AKR1C3: variants seen among roughly 807,000 people sequenced by gnomAD.
AKR1C3 encodes the protein aldo-keto reductase family 1 member C3.
AKR1C3 carries 48 observed loss-of-function variants against 43.6 expected under a neutral mutation model. The ratio of observed to expected loss-of-function variants is 1.10; its 90% CI spans 0.87 to 1.40. The LOEUF is 1.40. AKR1C3 is among the 40% of genes most tolerant of loss of function. The pLI, the probability that AKR1C3 is intolerant of heterozygous loss-of-function variation, is 0.00. For missense variants in AKR1C3, 482 were observed against 391.2 expected (o/e 1.23, Z -1.96); for synonymous variants, 162 against 139.6 (o/e 1.16, Z -1.13).
chr10:5,094,601 G>T (rs1287589336), intron 1 of AKR1C3, 73 bp downstream of exon 1: 11 of 1,527,650 alleles, frequency 7.2e-6, no homozygotes, highest in South Asian at 1.1e-5. Context: ...GTATTGGGTT[G>T]TAAGGTTCGT....
chr10:5,063,139 CTA>C (rs1382763507), intron 1 of AKR1C3, among the ~76,000 whole-genome samples: 5 of 152,030 alleles, frequency 3.3e-5, no homozygotes, highest in Admixed American at 2.0e-4. Flanking sequence ...GAATTGTACT[CTA>C]TTTTTCTTGA....
intron 1 of AKR1C3, among the ~76,000 whole-genome samples, chr10:5,057,747 C>T (rs868977583): frequency 1.3e-5 from 2 of 152,134 alleles, no homozygotes; most frequent in African/African-American, 4.8e-5. Context: ...GGCTTGCTGA[C>T]TGGTAGGGAA....
chr10:5,099,153 C>CT (rs1839287009), intron 4 of AKR1C3, among the ~76,000 whole-genome samples, 174 bp from the exon 5 acceptor site: 1 of 152,132 alleles, frequency 6.6e-6, no homozygotes, highest in African/African-American at 2.4e-5. Flanking sequence ...CTTACTCTTG[C>CT]TGCCTCTATC....
Position 5,102,574 on chromosome 10 carries a change from T to G in AKR1C3, c.770T>G (p.Leu257Arg). 6.4e-7 allele frequency: 1 copy of G among 1,560,170 alleles called. No individual in the cohort carries two copies. Among genetic ancestry groups the G allele is most frequent in the Non-Finnish European group, 8.7e-7 (1 of 1,150,036 alleles). ...KHKRTPALIA[L>R]RYQLQRGVVV... ...AAGCGAACCCCAGCCCTGATTGCCC[T>G]GCGCTACCAGCTGCAGCGTGGGGTT... Residue 257 changes from leucine (L) to arginine (R), a missense_variant, in exon 7 of 9, where the codon CTG (leucine) becomes CGG (arginine). Coordinates refer to ENST00000380554, the MANE Select transcript of AKR1C3 (RefSeq NM_003739.6).
intron 1 of AKR1C3, among the ~76,000 whole-genome samples, chr10:5,062,039 A>C (rs182730800): frequency 6.6e-6 from 1 of 152,350 alleles, no homozygotes; most frequent in Non-Finnish European, 1.5e-5. Context: ...TTACAAAGAC[A>C]TGTAATTCTT....
At chr10:5,084,793 A>G (rs12768144) in intron 1 of AKR1C3, among the ~76,000 whole-genome samples, 123,144 of 149,276 alleles carry the variant, frequency 0.82, 50,573 homozygotes, top group Middle Eastern at 0.9. Context: ...GGTCCTTCAC[A>G]TCCCTTGTAA....
chr10:5,063,961 C>T (rs181880198), intron 1 of AKR1C3, among the ~76,000 whole-genome samples: 7 of 152,056 alleles, frequency 4.6e-5, no homozygotes, highest in African/African-American at 1.7e-4. Flanking sequence ...ACGTTTATGT[C>T]ATATTCTAAA....
At chr10:5,050,301 T>G (rs1392254513) in intron 1 of AKR1C3, among the ~76,000 whole-genome samples, 1 of 152,244 alleles carries the variant, frequency 6.6e-6, no homozygotes, top group Non-Finnish European at 1.5e-5. Context: ...GGATTTAATT[T>G]TCTGCAATAT....
chr10:5,088,020 A>G (rs1292551186), intron 1 of AKR1C3, among the ~76,000 whole-genome samples: 1 of 152,038 alleles, frequency 6.6e-6, no homozygotes, highest in Non-Finnish European at 1.5e-5. Context: ...GGCATGTTGT[A>G]TGTCTATTTT....
intron 1 of AKR1C3, among the ~76,000 whole-genome samples, chr10:5,083,540 G>C (rs377024033): frequency 1.3e-5 from 2 of 149,618 alleles, no homozygotes; most frequent in Non-Finnish European, 2.9e-5. Context: ...ATAAACATAC[G>C]TGTGCATGTG....
chr10:5,056,831 A>C lies in AKR1C3; in HGVS notation c.84+7936A>C, dbSNP rs148555700. Among the ~76,000 whole-genome samples the C allele has an allele frequency of 4.0e-3, 611 of 152,362 alleles. 20 individuals are homozygous for C. The East Asian group carries it at 0.065, about 16-fold the overall frequency. ...AACAAGAAAGGCATGTGAAAAGAGC[A>C]AAGTCTCCCAATTACAACTGAGGAG... On this transcript the variant is annotated intron_variant, in intron 1 of 8. Coordinates refer to the AKR1C3 transcript ENST00000439082.
chr10:5,096,596 G>A lies in AKR1C3; in HGVS notation c.252+19G>A. On this transcript the variant is annotated intron_variant, in intron 2 of 8. Transcript: ENST00000380554. ...TTCAAAGGTACTGTGTCTATGATGAGCTTGTGTGCACATGTATTTATTGTG... is the reference window on the plus strand; with the variant it reads ...TTCAAAGGTACTGTGTCTATGATGAACTTGTGTGCACATGTATTTATTGTG... 1 of 1,609,012 alleles carries A rather than the reference G, an allele frequency of 6.2e-7. No homozygotes were observed. The highest frequency in any genetic ancestry group is 8.5e-7 in the Non-Finnish European group (1 of 1,177,212).
intron 2 of AKR1C3, 88 bp from the exon 3 acceptor site, chr10:5,097,346 G>A (rs567167404): frequency 1.3e-6 from 2 of 1,496,980 alleles, no homozygotes; most frequent in Admixed American, 2.1e-5. Context: ...TGAAGCAGTA[G>A]GAAAATATCT....
intron 1 of AKR1C3, among the ~76,000 whole-genome samples, chr10:5,051,954 T>C (rs1838161566): frequency 6.6e-6 from 1 of 152,226 alleles, no homozygotes; most frequent in Non-Finnish European, 1.5e-5. Flanking sequence ...AAGGATGATT[T>C]GCTTATAAGT....
At chr10:5,086,100 T>A (rs1554783051) in intron 1 of AKR1C3, among the ~76,000 whole-genome samples, 1 of 151,914 alleles carries the variant, frequency 6.6e-6, no homozygotes, top group African/African-American at 2.4e-5. Context: ...ATCTTAGTTA[T>A]TTCTTGCCTT....
intron 4 of AKR1C3, among the ~76,000 whole-genome samples, 197 bp from the exon 5 acceptor site, chr10:5,099,130 A>G (rs1839286527): frequency 6.6e-6 from 1 of 152,240 alleles, no homozygotes; most frequent in African/African-American, 2.4e-5. Context: ...TTCCTAAGGA[A>G]GAGATAGAAA....
intron 1 of AKR1C3, among the ~76,000 whole-genome samples, chr10:5,063,765 C>CAAAAAAAAGAAAAAAA (rs1838431090): frequency 2.2e-5 from 1 of 46,426 alleles, no homozygotes; most frequent in African/African-American, 8.3e-5. Context: ...TCTGTCTCAG[C>CAAAAAAAAGAAAAAAA]AAAAAAAAAA....
chr10:5,105,438 GCTATT>G, intron 7 of AKR1C3, 152 bp from the exon 8 acceptor site: 1 of 539,858 alleles, frequency 1.9e-6, no homozygotes. Flanking sequence ...TTTTTCGTGA[GCTATT>G]CATTGACCCA....
At chr10:5,056,245 G>A (rs1450309308) in intron 1 of AKR1C3, among the ~76,000 whole-genome samples, 1 of 152,180 alleles carries the variant, frequency 6.6e-6, no homozygotes, top group Non-Finnish European at 1.5e-5. Context: ...GTTGGGATGT[G>A]TGGTCTGTGG....
Sources: gnomAD v4.1 joint callset for allele counts (sites outside exome capture counted in the v4.1 genomes callset) on GRCh38, gnomAD v4.1.1 for gene constraint, MANE v1.5 for transcripts, NCBI Gene and HGNC (gene_info 2026-07-23, HGNC 2026-07-21) for gene names.